The following SLIT3 variants were observed in gnomAD, a reference collection of about 807,000 sequenced individuals.
SLIT3 encodes the protein slit guidance ligand 3, also known as slit homolog 3 protein.
A neutral mutation model predicts 184.0 loss-of-function variants in SLIT3; 68 were observed. The ratio of observed to expected loss-of-function variants is 0.37; its 90% CI spans 0.30 to 0.45. The LOEUF (loss-of-function observed/expected upper bound fraction) is 0.45. Ranked by LOEUF, SLIT3 falls within the 20% of genes least tolerant of loss-of-function variation. SLIT3 has a pLI of 1.00. For missense variants in SLIT3, 1,707 were observed against 2,026.0 expected (o/e 0.84, Z 3.02); for synonymous variants, 831 against 828.6 (o/e 1.00, Z -0.05).
chr5:168,951,606 C>T (rs1349470652), intron 4 of SLIT3, among the ~76,000 whole-genome samples: 1 of 152,170 alleles, frequency 6.6e-6, no homozygotes, highest in Admixed American at 6.5e-5. Flanking sequence ...CAACTGATTC[C>T]CAGCTATAAA....
intron 4 of SLIT3, among the ~76,000 whole-genome samples, chr5:169,090,486 G>T (rs1243353976): frequency 6.6e-6 from 1 of 152,132 alleles, no homozygotes; most frequent in East Asian, 1.9e-4. Context: ...GGCCAGGATC[G>T]GCAGGCCTTG....
intron 4 of SLIT3, among the ~76,000 whole-genome samples, chr5:169,192,642 T>C (rs1763595038): frequency 6.6e-6 from 1 of 152,114 alleles, no homozygotes; most frequent in Non-Finnish European, 1.5e-5. Context: ...CCTGCAATGT[T>C]AAAGCCTTCC....
intron 30 of SLIT3, 104 bp from the exon 31 acceptor site, chr5:168,686,031 T>G: frequency 7.6e-7 from 1 of 1,320,736 alleles, no homozygotes; most frequent in Non-Finnish European, 1.0e-6. Flanking sequence ...TAGAGTGAGA[T>G]GGGAAATGAC....
chr5:168,933,349 C>T (rs539077256), intron 4 of SLIT3, among the ~76,000 whole-genome samples: 12 of 152,172 alleles, frequency 7.9e-5, no homozygotes, highest in Middle Eastern at 3.4e-3. Context: ...CGAGACCATC[C>T]TAGCCAACAT....
At chr5:168,764,782 C>T (rs1755278736) in intron 14 of SLIT3, among the ~76,000 whole-genome samples, 1 of 152,182 alleles carries the variant, frequency 6.6e-6, no homozygotes, top group Non-Finnish European at 1.5e-5. Flanking sequence ...TGAGCAAACT[C>T]CGTGCACGTA....
chr5:168,721,036 C>G (rs1762927629), intron 23 of SLIT3, among the ~76,000 whole-genome samples: 1 of 152,142 alleles, frequency 6.6e-6, no homozygotes, highest in Non-Finnish European at 1.5e-5. Flanking sequence ...TTAAAATGGG[C>G]AGAACTGTCT....
chr5:168,810,330 C>T (rs1757120169), intron 8 of SLIT3, among the ~76,000 whole-genome samples: 1 of 152,180 alleles, frequency 6.6e-6, no homozygotes, highest in Non-Finnish European at 1.5e-5. Context: ...TTATGGCGGT[C>T]TCATGACCCA....
intron 19 of SLIT3, 82 bp downstream of exon 19, chr5:168,749,390 G>A: frequency 2.7e-6 from 4 of 1,503,296 alleles, no homozygotes; most frequent in South Asian, 2.4e-5. Flanking sequence ...TGGATCTCAG[G>A]GAGTATCTGA....
intron 3 of SLIT3, among the ~76,000 whole-genome samples, chr5:169,207,370 T>TACATACATACACAC (rs1262446357): frequency 4.6e-5 from 6 of 131,866 alleles, no homozygotes; most frequent in East Asian, 2.1e-4. Flanking sequence ...TACACATACA[T>TACATACATACACAC]ACACACACAC....
At chr5:168,679,725 C>T (rs1761524538) in intron 32 of SLIT3, among the ~76,000 whole-genome samples, 1 of 152,148 alleles carries the variant, frequency 6.6e-6, no homozygotes, top group South Asian at 2.1e-4. Context: ...TGCAGCAACC[C>T]CCTACTCCTG....
chr5:169,135,618 A>G (rs1055535012), intron 4 of SLIT3, among the ~76,000 whole-genome samples: 4 of 152,156 alleles, frequency 2.6e-5, no homozygotes, highest in African/African-American at 9.7e-5. Flanking sequence ...TCTTCTTCCA[A>G]TATTTATATA....
rs374628677 is a variant in SLIT3, at chr5:169,233,332, A to AT, written c.341+11372dup. On this transcript the variant is annotated intron_variant, in intron 3 of 35. Transcript: ENST00000519560. The stretch of plus-strand genomic sequence containing the variant: ...GCCACCGCGCCCGGTCGGCATTGGT[A>AT]TTTTTTGGTGCTATTGTAAACATAG... Among the ~76,000 whole-genome samples, 1,119 of 151,246 alleles carry AT rather than the reference A, an allele frequency of 7.4e-3. 9 individuals carry two copies. The highest frequency in any genetic ancestry group is 0.023 in the African/African-American group (950 of 41,150).
chr5:169,158,227 C>A (rs1416911439), intron 4 of SLIT3, among the ~76,000 whole-genome samples: 1 of 152,062 alleles, frequency 6.6e-6, no homozygotes, highest in East Asian at 1.9e-4. Context: ...AAGAGAGAAA[C>A]AATACTTTAC....
chr5:169,049,757 C>T (rs1757754562), intron 4 of SLIT3, among the ~76,000 whole-genome samples: 1 of 152,174 alleles, frequency 6.6e-6, no homozygotes, highest in Non-Finnish European at 1.5e-5. Flanking sequence ...TGATAGGCAA[C>T]ACACTTAAAT....
intron 1 of SLIT3, among the ~76,000 whole-genome samples, chr5:169,274,108 C>T (rs1316028992): frequency 6.6e-6 from 1 of 152,140 alleles, no homozygotes; most frequent in Non-Finnish European, 1.5e-5. Context: ...GCTAGAAGTG[C>T]CCATTGTAGG....
At chr5:169,058,575 T>C (rs933351749) in intron 4 of SLIT3, among the ~76,000 whole-genome samples, 1 of 152,212 alleles carries the variant, frequency 6.6e-6, no homozygotes, top group Admixed American at 6.5e-5. Flanking sequence ...TCCTGCACTT[T>C]AAGTTTTGAG....
At chr5:168,968,186 G>A (rs946752202) in intron 4 of SLIT3, among the ~76,000 whole-genome samples, 6 of 152,028 alleles carry the variant, frequency 3.9e-5, no homozygotes, top group Non-Finnish European at 5.9e-5. Context: ...CAAGGCTAAG[G>A]CAACTGCTCA....
intron 7 of SLIT3, 94 bp from the exon 8 acceptor site, chr5:168,817,557 C>G: frequency 2.5e-6 from 3 of 1,217,484 alleles, no homozygotes; most frequent in Non-Finnish European, 3.5e-6. Flanking sequence ...CCTGTTGCCC[C>G]TTTCTCCAGT....
chr5:168,878,251 G>C (rs146385406), intron 5 of SLIT3, among the ~76,000 whole-genome samples: 1 of 152,334 alleles, frequency 6.6e-6, no homozygotes, highest in East Asian at 1.9e-4. Context: ...TAATTGCGTA[G>C]AGTGGCATCC....
Sources: allele counts gnomAD v4.1 joint callset (sites outside exome capture counted in the v4.1 genomes callset), GRCh38; gene constraint gnomAD v4.1.1; transcripts MANE v1.5; gene names NCBI Gene and HGNC (gene_info 2026-07-23, HGNC 2026-07-21).